PIK3C2G: variants seen among roughly 807,000 people sequenced by gnomAD.
PIK3C2G encodes phosphatidylinositol 3-kinase C2 domain-containing subunit gamma.
PIK3C2G carries 168 observed loss-of-function variants against 181.1 expected under a neutral mutation model. The observed-to-expected ratio is 0.93, with a 90% CI of 0.82 to 1.05. The LOEUF is 1.05. PIK3C2G is among the 50% of genes least tolerant of loss of function. The pLI, the probability that PIK3C2G is intolerant of heterozygous loss-of-function variation, is 0.00. For synonymous variants in PIK3C2G, 573 were observed against 592.2 expected, an observed-to-expected ratio of 0.97 and a Z score of 0.47; for missense variants, 1,869 against 1,732.8, an observed-to-expected ratio of 1.08 and a Z score of -1.40.
At chr12:18,617,801 G>T (rs117087205) in intron 31 of PIK3C2G, among the ~76,000 whole-genome samples, 1 of 152,132 alleles carries the variant, frequency 6.6e-6, no homozygotes, top group Admixed American at 6.6e-5. Context: ...CCTCTATAGC[G>T]GAGACATTAC....
intron 29 of PIK3C2G, among the ~76,000 whole-genome samples, chr12:18,581,157 GCAAA>G (rs1048026757): frequency 9.2e-5 from 14 of 152,224 alleles, no homozygotes; most frequent in African/African-American, 3.4e-4. Context: ...AACATAATTG[GCAAA>G]CAAAGTATCT....
intron 3 of PIK3C2G, among the ~76,000 whole-genome samples, chr12:18,287,987 C>T (rs916499477): frequency 6.6e-6 from 1 of 152,032 alleles, no homozygotes; most frequent in Non-Finnish European, 1.5e-5. Context: ...CGTGGTGAAA[C>T]CTCGTCTCTA....
chr12:18,394,711 G>A (rs1404498265), intron 15 of PIK3C2G, among the ~76,000 whole-genome samples: 2 of 151,828 alleles, frequency 1.3e-5, no homozygotes, highest in Non-Finnish European at 2.9e-5. Flanking sequence ...AAAAAAGAAC[G>A]GTGAGCTTGA....
chr12:18,298,852 G>A (rs1327532694), intron 5 of PIK3C2G, among the ~76,000 whole-genome samples: 4 of 151,752 alleles, frequency 2.6e-5, no homozygotes, highest in Non-Finnish European at 5.9e-5. Flanking sequence ...AAATCACTAG[G>A]CTATAAATAA....
intron 31 of PIK3C2G, among the ~76,000 whole-genome samples, chr12:18,638,431 A>G (rs1268705512): frequency 1.3e-5 from 2 of 152,174 alleles, no homozygotes; most frequent in Non-Finnish European, 1.5e-5. Context: ...GCGACTTTCT[A>G]CACAACCCAT....
At chr12:18,495,418 C>A (rs1940924135) in intron 20 of PIK3C2G, among the ~76,000 whole-genome samples, 1 of 151,864 alleles carries the variant, frequency 6.6e-6, no homozygotes, top group Non-Finnish European at 1.5e-5. Flanking sequence ...TGTTGTACTG[C>A]TATTTATAAA....
intron 24 of PIK3C2G, among the ~76,000 whole-genome samples, chr12:18,519,271 T>A (rs1432176031): frequency 6.6e-6 from 1 of 152,200 alleles, no homozygotes; most frequent in Admixed American, 6.5e-5. Context: ...TGAGTTCAAG[T>A]CCTTAATATC....
At chr12:18,476,904 A>T (rs576794437) in intron 18 of PIK3C2G, among the ~76,000 whole-genome samples, 1 of 152,232 alleles carries the variant, frequency 6.6e-6, no homozygotes, top group East Asian at 1.9e-4. Context: ...TGGAAACTGT[A>T]TCAGTCTGCT....
chr12:18,528,886 G>T (rs1274670797), intron 24 of PIK3C2G, among the ~76,000 whole-genome samples: 1 of 152,172 alleles, frequency 6.6e-6, no homozygotes, highest in African/African-American at 2.4e-5. Context: ...ACCCTTTAAA[G>T]TCTCATATGT....
At chr12:18,256,949 A>C (rs557174327), upstream of PIK3C2G, among the ~76,000 whole-genome samples, 222 of 152,164 alleles carry the variant, frequency 1.5e-3, no homozygotes, top group African/African-American at 5.2e-3. Flanking sequence ...CTAAATATCA[A>C]GTGGTAGGTT....
intron 16 of PIK3C2G, among the ~76,000 whole-genome samples, chr12:18,418,077 G>A (rs1460113290): frequency 6.6e-6 from 1 of 152,134 alleles, no homozygotes; most frequent in African/African-American, 2.4e-5. Flanking sequence ...CATATATGAA[G>A]TTGCTAAATC....
chr12:18,299,524 G>C (rs1208609127), intron 5 of PIK3C2G, among the ~76,000 whole-genome samples: 1 of 151,718 alleles, frequency 6.6e-6, no homozygotes, highest in Non-Finnish European at 1.5e-5. Context: ...CAATCTGGCT[G>C]CTTTTTATTT....
chr12:18,273,313 T>A (rs1001223904), intron 1 of PIK3C2G, among the ~76,000 whole-genome samples: 17 of 152,316 alleles, frequency 1.1e-4, no homozygotes, highest in African/African-American at 4.1e-4. Context: ...GAGGGCTCTG[T>A]TCTGTTCCAT....
At chr12:18,309,115 T>G (rs1265071657) in intron 5 of PIK3C2G, among the ~76,000 whole-genome samples, 4 of 138,342 alleles carry the variant, frequency 2.9e-5, no homozygotes, top group African/African-American at 1.0e-4. Flanking sequence ...CTTTTAAAAT[T>G]TAGATACAAT....
chr12:18,384,140 A>C (rs936780256), intron 14 of PIK3C2G, among the ~76,000 whole-genome samples: 7 of 152,000 alleles, frequency 4.6e-5, no homozygotes, highest in Non-Finnish European at 7.4e-5. Context: ...TATTAGAAGA[A>C]TATTTTAGTG....
intron 26 of PIK3C2G, among the ~76,000 whole-genome samples, chr12:18,562,250 G>A (rs1489910380): frequency 6.6e-6 from 1 of 152,060 alleles, no homozygotes; most frequent in Admixed American, 6.5e-5. Context: ...TCCTGCCTCA[G>A]GCTCCCGAGT....
rs554508729 is a variant in PIK3C2G, at chr12:18,450,088, G to A, written c.2504+26049G>A. Among the ~76,000 whole-genome samples the A allele has an allele frequency of 9.2e-5, 14 of 152,202 alleles. No homozygotes were observed. In the South Asian group the frequency reaches 2.9e-3, roughly 32 times the overall value. ...ACATAAGTGTCTTCTGTTGAGAAGT[G>A]TCTGTTCATATCCTTTGCTCACTTT... On this transcript the variant is annotated intron_variant, in intron 18 of 32. Transcript: ENST00000538779.
At chr12:18,705,455 A>C in the PIK3C2G span, 7 of 1,010,756 alleles carry the variant, frequency 6.9e-6, no homozygotes, top group South Asian at 1.1e-4. Context: ...TTAAACTGAA[A>C]GTACTTTTGA....
rs113550691 is a variant in PIK3C2G at position 18,602,973 on chromosome 12, C to T, written c.4088-6562C>T. On this transcript the variant is annotated intron_variant, in intron 30 of 32. Transcript: ENST00000538779. ...TATGAAAAAACAAGGCTCATCAACA[C>T]CCACTAAAAATCACACTAGTTCACC... Among the ~76,000 whole-genome samples the T allele has an allele frequency of 6.4e-4, 98 of 152,226 alleles. 1 individual carries two copies. Among genetic ancestry groups the T allele is most frequent in the African/African-American group, 1.8e-3 (74 of 41,534 alleles).
Sources: gnomAD v4.1 joint callset for allele counts (sites outside exome capture counted in the v4.1 genomes callset) on GRCh38, gnomAD v4.1.1 for gene constraint, MANE v1.5 for transcripts, NCBI Gene and HGNC (gene_info 2026-07-23, HGNC 2026-07-21) for gene names.